The following PRH1 variants were observed in gnomAD, a reference collection of about 807,000 sequenced individuals.
PRH1 encodes salivary acidic proline-rich phosphoprotein 1/2.
PRH1 carries 7 observed loss-of-function variants against 7.9 expected under a neutral mutation model. The observed-to-expected ratio is 0.89, with a 90% CI of 0.50 to 1.67. The LOEUF is 1.67. Among genes scored for constraint, PRH1 ranks in the 40% most tolerant of loss-of-function variants. The pLI is 0.00. For synonymous variants in PRH1, 45 were observed against 80.8 expected, an observed-to-expected ratio of 0.56 and a Z score of 2.38; for missense variants, 109 against 223.6, an observed-to-expected ratio of 0.49 and a Z score of 3.27.
intron 1 of PRH1, among the ~76,000 whole-genome samples, chr12:11,131,837 T>A (rs1406449206): frequency 6.6e-6 from 1 of 152,224 alleles, no homozygotes; most frequent in Admixed American, 6.5e-5. Context: ...TTGTGATGAG[T>A]TTCCCTTTCA....
At chr12:10,932,603 C>T (rs1457635821) in intron 2 of PRH1, among the ~76,000 whole-genome samples, 1 of 152,064 alleles carries the variant, frequency 6.6e-6, no homozygotes, top group Non-Finnish European at 1.5e-5. Context: ...AAGAAAGTCC[C>T]AGAAGCTGAG....
chr12:11,153,517 C>T (rs1947165207), intron 1 of PRH1, among the ~76,000 whole-genome samples: 2 of 152,148 alleles, frequency 1.3e-5, no homozygotes, highest in Admixed American at 1.3e-4. Flanking sequence ...ATCTTGAACC[C>T]CTAAATTCTG....
At chr12:11,147,334 T>C (rs1046119143) in intron 1 of PRH1, among the ~76,000 whole-genome samples, 1 of 151,956 alleles carries the variant, frequency 6.6e-6, no homozygotes, top group African/African-American at 2.4e-5. Flanking sequence ...ACTACAGGTG[T>C]GTGCCACCAC....
At chr12:10,952,890 T>C (rs1181933872) in intron 2 of PRH1, among the ~76,000 whole-genome samples, 1 of 152,120 alleles carries the variant, frequency 6.6e-6, no homozygotes, top group East Asian at 1.9e-4. Flanking sequence ...ATGAAGAGCT[T>C]TGGCTGGTAC....
At chr12:10,974,444 C>A (rs1938991726) in intron 1 of PRH1, among the ~76,000 whole-genome samples, 1 of 152,104 alleles carries the variant, frequency 6.6e-6, no homozygotes, top group Non-Finnish European at 1.5e-5. Flanking sequence ...AGATTCCCAA[C>A]CTTAAGGGGA....
intron 1 of PRH1, among the ~76,000 whole-genome samples, chr12:11,043,607 C>A (rs1221568080): frequency 2.4e-5 from 1 of 42,348 alleles, no homozygotes; most frequent in East Asian, 1.2e-3. Flanking sequence ...GCAGTATACA[C>A]AATTAACATA....
At chr12:11,116,813 G>A (rs1312772706), downstream of PRH1, among the ~76,000 whole-genome samples, 5 of 151,940 alleles carry the variant, frequency 3.3e-5, no homozygotes, top group African/African-American at 1.2e-4. Flanking sequence ...ACAGAATGAA[G>A]GTCAAGAACC....
chr12:11,085,837 T>C (rs1403592077), intron 1 of PRH1, among the ~76,000 whole-genome samples: 1 of 120,728 alleles, frequency 8.3e-6, no homozygotes, highest in Admixed American at 8.3e-5. Context: ...ATGTCGGTTG[T>C]TAGGGAAATT....
At chr12:10,944,094 A>G (rs1175822202) in intron 2 of PRH1, among the ~76,000 whole-genome samples, 2 of 152,196 alleles carry the variant, frequency 1.3e-5, no homozygotes, top group East Asian at 3.8e-4. Context: ...ATTGTAAAAT[A>G]AATTTTTCCA....
intron 1 of PRH1, among the ~76,000 whole-genome samples, chr12:11,074,968 A>G (rs1238745205): frequency 1.3e-5 from 2 of 151,412 alleles, no homozygotes; most frequent in Non-Finnish European, 3.0e-5. Flanking sequence ...TGACAACGGC[A>G]AAGTCATGTC....
chr12:11,119,188 C>A (rs1945819159), downstream of PRH1, among the ~76,000 whole-genome samples: 3 of 152,014 alleles, frequency 2.0e-5, no homozygotes, highest in African/African-American at 4.8e-5. Flanking sequence ...ATTGCACTTT[C>A]TCACTCATCT....
intron 2 of PRH1, among the ~76,000 whole-genome samples, chr12:10,923,824 T>C (rs1950085472): frequency 6.6e-6 from 1 of 152,184 alleles, no homozygotes. Context: ...ATTTATTCTC[T>C]GTCTTTTGAT....
At chr12:11,114,793 TTTGC>T (rs1446160162) in intron 1 of PRH1, among the ~76,000 whole-genome samples, 7 of 152,176 alleles carry the variant, frequency 4.6e-5, no homozygotes, top group Admixed American at 1.3e-4. Context: ...TGCTTGTTTG[TTTGC>T]TTATGCGAAC....
intron 1 of PRH1, among the ~76,000 whole-genome samples, chr12:11,037,041 A>G (rs1052468075): frequency 9.2e-5 from 14 of 152,210 alleles, no homozygotes; most frequent in African/African-American, 3.4e-4. Flanking sequence ...TGTAAAACCA[A>G]CATATTTTCA....
At chr12:10,903,281 A>G (rs2135813073) in intron 2 of PRH1, among the ~76,000 whole-genome samples, 1 of 152,292 alleles carries the variant, frequency 6.6e-6, no homozygotes, top group Non-Finnish European at 1.5e-5. Flanking sequence ...ACATAATAAT[A>G]AAGTGTTCAA....
At position 11,057,017 on chromosome 12, in the gene PRH1, T is replaced by C. The variant is rs75220916; in HGVS notation, n.124-9829A>G. On this transcript the variant is annotated intron_variant and non_coding_transcript_variant, in intron 1 of 4. Transcript: ENST00000541977. ...GTAAGAACTTTCACTTTTTTTTTTT[T>C]TTCTTCTTAGACAGAGTCTCCCTCT... is the stretch of plus-strand genomic sequence containing the variant. Among the ~76,000 whole-genome samples, 676 of 151,584 alleles carry C rather than the reference T, an allele frequency of 4.5e-3. 4 individuals carry two copies. The highest frequency in any genetic ancestry group is 0.015 in the African/African-American group (626 of 41,324).
At chr12:11,018,211 C>A (rs1941393826) in intron 1 of PRH1, among the ~76,000 whole-genome samples, 1 of 152,166 alleles carries the variant, frequency 6.6e-6, no homozygotes, top group African/African-American at 2.4e-5. Flanking sequence ...GGAATTACTG[C>A]AGAACTATTC....
chr12:11,047,235 C>T (rs1439037970), upstream of PRH1: 3 of 320,972 alleles, frequency 9.3e-6, no homozygotes, highest in Non-Finnish European at 1.9e-5. Flanking sequence ...CTTGAGGAGC[C>T]TCAGCTCACT....
At chr12:10,885,004 C>A (rs918993705), upstream of PRH1, among the ~76,000 whole-genome samples, 3 of 152,158 alleles carry the variant, frequency 2.0e-5, no homozygotes, top group Admixed American at 6.5e-5. Flanking sequence ...AATTTCTAGA[C>A]CTGAACAAAC....
Sources: gnomAD v4.1 joint callset for allele counts (sites outside exome capture counted in the v4.1 genomes callset) on GRCh38, gnomAD v4.1.1 for gene constraint, MANE v1.5 for transcripts, NCBI Gene and HGNC (gene_info 2026-07-23, HGNC 2026-07-21) for gene names.